Variants in RBFOX1 observed in about 807,000 individuals in gnomAD.
RBFOX1 encodes RNA binding protein fox-1 homolog 1.
Under a neutral mutation model 57.7 loss-of-function variants are expected in RBFOX1, and 8 were observed. The ratio of observed to expected loss-of-function variants is 0.14; its 90% CI spans 0.08 to 0.25. The LOEUF is 0.25. Among genes scored for constraint, RBFOX1 ranks in the 10% least tolerant of loss-of-function variants. The pLI is 1.00. For missense variants in RBFOX1, 611 were observed against 548.5 expected (o/e 1.11, Z -1.14); for synonymous variants, 326 against 222.4 (o/e 1.47, Z -4.15).
At chr16:7,531,869 A>G (rs966508098) in intron 5 of RBFOX1, among the ~76,000 whole-genome samples, 7 of 152,048 alleles carry the variant, frequency 4.6e-5, no homozygotes, top group African/African-American at 1.4e-4. Flanking sequence ...AATTTATACA[A>G]CTAAACCCAC....
At chr16:6,052,872 G>A (rs918860312) in intron 1 of RBFOX1, among the ~76,000 whole-genome samples, 30 of 151,172 alleles carry the variant, frequency 2.0e-4, no homozygotes, top group African/African-American at 7.0e-4. Flanking sequence ...GCAGGTATTA[G>A]ATGAGATCGC....
At chr16:6,196,384 A>G (rs1430668316) in intron 1 of RBFOX1, among the ~76,000 whole-genome samples, 1 of 152,234 alleles carries the variant, frequency 6.6e-6, no homozygotes, top group Non-Finnish European at 1.5e-5. Flanking sequence ...AATTGACAGG[A>G]TAACATTATC....
At chr16:5,280,160 A>G (rs1157574270) in intron 1 of RBFOX1, among the ~76,000 whole-genome samples, 1 of 152,148 alleles carries the variant, frequency 6.6e-6, no homozygotes, top group Non-Finnish European at 1.5e-5. Flanking sequence ...GGTAAGTTTT[A>G]CTGAGTGATT....
At chr16:5,404,229 C>T (rs752497605) in intron 1 of RBFOX1, among the ~76,000 whole-genome samples, 3 of 152,088 alleles carry the variant, frequency 2.0e-5, no homozygotes, top group Admixed American at 6.6e-5. Flanking sequence ...GCCTGGGAAG[C>T]CCTGACTTGA....
At chr16:7,040,561 C>A (rs943911077) in intron 3 of RBFOX1, among the ~76,000 whole-genome samples, 2 of 137,988 alleles carry the variant, frequency 1.4e-5, no homozygotes, top group Non-Finnish European at 2.9e-5. Flanking sequence ...TTCTCTGTCC[C>A]TTCTTCTCCA....
intron 4 of RBFOX1, among the ~76,000 whole-genome samples, chr16:7,066,202 G>A (rs1173340137): frequency 4.6e-5 from 7 of 152,224 alleles, no homozygotes; most frequent in Admixed American, 4.6e-4. Flanking sequence ...AAAAAGGGAG[G>A]TTAAGAGTTA....
chr16:7,215,967 C>T (rs1162691603), intron 4 of RBFOX1, among the ~76,000 whole-genome samples: 1 of 152,168 alleles, frequency 6.6e-6, no homozygotes, highest in Non-Finnish European at 1.5e-5. Context: ...TTGTGATCCG[C>T]ACGCCTCGGC....
intron 3 of RBFOX1, among the ~76,000 whole-genome samples, chr16:6,834,891 ATT>A (rs71147607): frequency 0.23 from 27,616 of 118,908 alleles, 2,816 homozygotes; most frequent in Non-Finnish European, 0.28. Flanking sequence ...TGACTTCTCT[ATT>A]TTTTTTTTTT....
intron 1 of RBFOX1, among the ~76,000 whole-genome samples, chr16:5,292,403 T>G (rs888566998): frequency 6.6e-6 from 1 of 152,212 alleles, no homozygotes; most frequent in Non-Finnish European, 1.5e-5. Flanking sequence ...CATTGCTGAT[T>G]TTTTTCAGTT....
chr16:5,935,115 T>C (rs1012447691), intron 4 of RBFOX1, among the ~76,000 whole-genome samples: 2 of 152,228 alleles, frequency 1.3e-5, no homozygotes, highest in African/African-American at 4.8e-5. Context: ...TTTGCAAACC[T>C]CCTGGCCTTC....
At chr16:7,610,476 G>C (rs971818173) in intron 10 of RBFOX1, among the ~76,000 whole-genome samples, 6 of 151,972 alleles carry the variant, frequency 3.9e-5, no homozygotes, top group Non-Finnish European at 8.8e-5. Flanking sequence ...TAAAAGAAGA[G>C]AGGTAACATA....
At position 6,979,375 on chromosome 16, in the gene RBFOX1, C is replaced by T. The variant is rs955147283; in HGVS notation, c.-15-72682C>T. 6.6e-5 allele frequency among the ~76,000 whole-genome samples: 4 copies of T among 60,608 alleles called. No individual in the cohort carries two copies. The East Asian group carries it at 1.2e-3, about 19-fold the overall frequency. The allele number at this position is 60,608 out of a possible 152,430, so 39.8% of individuals were successfully genotyped here. A position where few individuals can be genotyped will look rare whatever the true frequency, so the allele number is the denominator to read the frequency against. On this transcript the variant is annotated intron_variant, in intron 3 of 15. Transcript: ENST00000550418. Reference sequence around the variant, plus strand: ...GTAATTATGAAAACATTAGTTGAACCTGAGCACTTTCCATTGTGCGATAGA... The same window carrying T: ...GTAATTATGAAAACATTAGTTGAACTTGAGCACTTTCCATTGTGCGATAGA...
At chr16:7,173,055 C>T (rs1324945571) in intron 4 of RBFOX1, among the ~76,000 whole-genome samples, 5 of 152,154 alleles carry the variant, frequency 3.3e-5, no homozygotes, top group African/African-American at 4.8e-5. Flanking sequence ...GATATTAGTA[C>T]CCAACAAGTA....
chr16:5,814,010 T>A (rs964214275), intron 3 of RBFOX1, among the ~76,000 whole-genome samples: 1 of 152,268 alleles, frequency 6.6e-6, no homozygotes, highest in Non-Finnish European at 1.5e-5. Flanking sequence ...AGTAACTTAT[T>A]TTAAGCAATT....
At chr16:7,708,008 C>G (rs187688354) in intron 14 of RBFOX1, among the ~76,000 whole-genome samples, 1 of 152,158 alleles carries the variant, frequency 6.6e-6, no homozygotes, top group African/African-American at 2.4e-5. Context: ...AGTATGGGCA[C>G]AGGATACGGT....
At chr16:6,500,737 C>T (rs368756457) in intron 2 of RBFOX1, among the ~76,000 whole-genome samples, 4 of 152,088 alleles carry the variant, frequency 2.6e-5, no homozygotes, top group African/African-American at 4.8e-5. Flanking sequence ...AACATCTTGA[C>T]TGCATGTCAA....
chr16:6,245,227 A>G (rs2097562598), intron 1 of RBFOX1, among the ~76,000 whole-genome samples: 1 of 152,214 alleles, frequency 6.6e-6, no homozygotes, highest in South Asian at 2.1e-4. Context: ...GTTCATGAAT[A>G]TAAGCAGAAA....
At chr16:7,218,619 G>A (rs971638756) in intron 4 of RBFOX1, among the ~76,000 whole-genome samples, 2 of 134,646 alleles carry the variant, frequency 1.5e-5, no homozygotes, top group East Asian at 4.3e-4. Context: ...TAGGGTTTGT[G>A]GGGGTTTGCT....
At chr16:7,177,237 C>G (rs1053881501) in intron 4 of RBFOX1, among the ~76,000 whole-genome samples, 13 of 152,250 alleles carry the variant, frequency 8.5e-5, no homozygotes, top group African/African-American at 3.1e-4. Flanking sequence ...AATTTGTGCT[C>G]CTTATCTAGC....
Sources: allele counts gnomAD v4.1 joint callset (sites outside exome capture counted in the v4.1 genomes callset), GRCh38; gene constraint gnomAD v4.1.1; transcripts MANE v1.5; gene names NCBI Gene and HGNC (gene_info 2026-07-23, HGNC 2026-07-21).